AGBL4: variants seen among roughly 807,000 people sequenced by gnomAD.
AGBL4 encodes AGBL carboxypeptidase 4.
Under a neutral mutation model 66.4 loss-of-function variants are expected in AGBL4, and 58 were observed. The observed-to-expected ratio is 0.87, with a 90% CI of 0.71 to 1.09. The LOEUF is 1.09. AGBL4 is among the 50% of genes least tolerant of loss of function. AGBL4 has a pLI of 0.00. For synonymous variants in AGBL4, 234 were observed against 222.9 expected (o/e 1.05, Z -0.44); for missense variants, 579 against 631.0 (o/e 0.92, Z 0.88).
In AGBL4 at chr1:49,795,393, A is replaced by AT. The variant is rs535959873; in HGVS notation, c.157+56002dup. Among the ~76,000 whole-genome samples, 97 of 152,084 alleles carry AT rather than the reference A, an allele frequency of 6.4e-4. 2 individuals carry two copies. In the East Asian group the frequency reaches 0.018, roughly 28 times the overall value. ...GGAACTAAGTAAAGGTATCTCAATG[A>AT]TTTTTTTAATAAATTCACTGAAATA... On this transcript the variant is annotated intron_variant, in intron 2 of 13. Coordinates refer to ENST00000371839, the MANE Select transcript of AGBL4 (RefSeq NM_032785.4).
chr1:48,986,510 T>C (rs1283076632), intron 5 of AGBL4, among the ~76,000 whole-genome samples: 1 of 151,998 alleles, frequency 6.6e-6, no homozygotes, highest in African/African-American at 2.4e-5. Context: ...CAGAGCAACA[T>C]GTCTGAAGTA....
chr1:49,776,144 C>T (rs1318120723), intron 2 of AGBL4, among the ~76,000 whole-genome samples: 1 of 151,916 alleles, frequency 6.6e-6, no homozygotes, highest in East Asian at 1.9e-4. Flanking sequence ...CTGGTGGAAG[C>T]TTAGAAAAAA....
At chr1:48,722,851 A>G (rs1002230933) in intron 6 of AGBL4, among the ~76,000 whole-genome samples, 1 of 152,218 alleles carries the variant, frequency 6.6e-6, no homozygotes, top group Non-Finnish European at 1.5e-5. Flanking sequence ...CAGATCCGTA[A>G]AAGAGCAACC....
intron 5 of AGBL4, among the ~76,000 whole-genome samples, chr1:48,975,217 T>C (rs1260232094): frequency 6.6e-6 from 1 of 152,160 alleles, no homozygotes; most frequent in Non-Finnish European, 1.5e-5. Flanking sequence ...AGAAGCACAA[T>C]GACAGGTGGG....
intron 5 of AGBL4, among the ~76,000 whole-genome samples, chr1:48,927,964 C>T (rs1312560448): frequency 6.6e-6 from 1 of 152,204 alleles, no homozygotes; most frequent in Admixed American, 6.5e-5. Context: ...AATGCTACCC[C>T]AGTTGGTCAG....
At chr1:49,012,061 A>G (rs1662474469) in intron 5 of AGBL4, among the ~76,000 whole-genome samples, 1 of 151,906 alleles carries the variant, frequency 6.6e-6, no homozygotes. Context: ...CTACATAAAA[A>G]AAAAGGAACT....
chr1:48,915,727 C>T (rs937163189), intron 5 of AGBL4, among the ~76,000 whole-genome samples: 2 of 152,022 alleles, frequency 1.3e-5, no homozygotes, highest in South Asian at 2.1e-4. Flanking sequence ...GTGATTCTGA[C>T]GCATACTCAA....
At chr1:49,841,965 G>T in intron 2 of AGBL4, 1 of 530,568 alleles carries the variant, frequency 1.9e-6, no homozygotes, top group Non-Finnish European at 3.4e-6. Context: ...CCTCGTACCT[G>T]GCCTCGTCCT....
chr1:49,039,537 C>T (rs563989460), intron 5 of AGBL4, among the ~76,000 whole-genome samples: 1 of 152,104 alleles, frequency 6.6e-6, no homozygotes, highest in African/African-American at 2.4e-5. Flanking sequence ...AACAAACAAA[C>T]AACAAACAAA....
chr1:48,725,919 C>T (rs554110911), intron 6 of AGBL4, among the ~76,000 whole-genome samples: 3 of 152,258 alleles, frequency 2.0e-5, no homozygotes, highest in South Asian at 4.1e-4. Context: ...CTGCCTTCTA[C>T]GCTAAGGATA....
chr1:49,322,376 G>A (rs781179229), intron 3 of AGBL4, among the ~76,000 whole-genome samples: 8 of 152,172 alleles, frequency 5.3e-5, no homozygotes, highest in Admixed American at 1.3e-4. Flanking sequence ...ATGAGGATAA[G>A]AAATGAGACT....
intron 4 of AGBL4, among the ~76,000 whole-genome samples, chr1:49,112,783 C>A (rs1318989820): frequency 6.6e-6 from 1 of 152,090 alleles, no homozygotes; most frequent in Admixed American, 6.6e-5. Flanking sequence ...TCTTCAGGCT[C>A]CACTTCTAAT....
chr1:49,938,268 C>T (rs1351579578), intron 1 of AGBL4, among the ~76,000 whole-genome samples: 1 of 152,160 alleles, frequency 6.6e-6, no homozygotes, highest in African/African-American at 2.4e-5. Context: ...AATTCCTCGA[C>T]ACATACACCC....
chr1:49,510,890 T>C (rs1238798217), intron 3 of AGBL4, among the ~76,000 whole-genome samples: 3 of 148,862 alleles, frequency 2.0e-5, no homozygotes, highest in Admixed American at 6.7e-5. Context: ...GATCAGATAG[T>C]TGTAGATATG....
chr1:49,585,163 A>G (rs538965645), intron 3 of AGBL4, among the ~76,000 whole-genome samples: 1 of 152,334 alleles, frequency 6.6e-6, no homozygotes, highest in South Asian at 2.1e-4. Flanking sequence ...GGAACAAACT[A>G]CAGCGTAGCT....
intron 9 of AGBL4, among the ~76,000 whole-genome samples, chr1:48,603,541 A>G (rs953610267): frequency 1.3e-5 from 2 of 152,180 alleles, no homozygotes; most frequent in Non-Finnish European, 2.9e-5. Flanking sequence ...GTGAGGAAAC[A>G]GACTAGAGAG....
intron 5 of AGBL4, among the ~76,000 whole-genome samples, chr1:48,934,780 T>A (rs1571038072): frequency 6.6e-6 from 1 of 152,194 alleles, no homozygotes; most frequent in East Asian, 1.9e-4. Flanking sequence ...TAGTTCTGAG[T>A]CTCATTCTTT....
At chr1:49,017,783 C>T (rs1280647780) in intron 5 of AGBL4, among the ~76,000 whole-genome samples, 2 of 152,206 alleles carry the variant, frequency 1.3e-5, no homozygotes, top group Non-Finnish European at 2.9e-5. Flanking sequence ...AGTGGATACA[C>T]AGTAACTTCC....
At chr1:48,538,166 T>C (rs550952690) in intron 12 of AGBL4, among the ~76,000 whole-genome samples, 1 of 152,210 alleles carries the variant, frequency 6.6e-6, no homozygotes, top group African/African-American at 2.4e-5. Context: ...CTCTATGACA[T>C]GGGGCTAAGA....
Sources: gnomAD v4.1 joint callset for allele counts (sites outside exome capture counted in the v4.1 genomes callset) on GRCh38, gnomAD v4.1.1 for gene constraint, MANE v1.5 for transcripts, NCBI Gene and HGNC (gene_info 2026-07-23, HGNC 2026-07-21) for gene names.